Variants in ATRNL1 observed in about 807,000 individuals in gnomAD.
ATRNL1 encodes attractin-like protein 1.
Under a neutral mutation model 182.7 loss-of-function variants are expected in ATRNL1, and 95 were observed. The observed-to-expected ratio is 0.52, with a 90% CI of 0.44 to 0.62. ATRNL1 has a LOEUF of 0.62. Ranked by LOEUF, ATRNL1 falls within the 20% of genes least tolerant of loss-of-function variation. ATRNL1 has a pLI of 0.00. For synonymous variants in ATRNL1, 576 were observed against 568.3 expected, an observed-to-expected ratio of 1.01 and a Z score of -0.19; for missense variants, 1,471 against 1,679.5, an observed-to-expected ratio of 0.88 and a Z score of 2.17.
At chr10:115,371,296 C>T (rs1047381230) in intron 19 of ATRNL1, among the ~76,000 whole-genome samples, 1 of 152,104 alleles carries the variant, frequency 6.6e-6, no homozygotes, top group Admixed American at 6.5e-5. Context: ...TGAGAAGAGC[C>T]ACCATCCTCC....
intron 18 of ATRNL1, among the ~76,000 whole-genome samples, chr10:115,316,361 A>G (rs1854302413): frequency 1.3e-5 from 2 of 152,134 alleles, no homozygotes; most frequent in South Asian, 4.1e-4. Flanking sequence ...TCTATCATTA[A>G]TGGGCGCTTG....
chr10:115,760,174 A>AG (rs1948700369), intron 27 of ATRNL1, among the ~76,000 whole-genome samples: 1 of 35,316 alleles, frequency 2.8e-5, no homozygotes, highest in African/African-American at 7.5e-5. Context: ...TCCCCTTTCC[A>AG]AAAAAAAAGA....
At chr10:115,479,036 A>G (rs1848648744) in intron 24 of ATRNL1, among the ~76,000 whole-genome samples, 1 of 151,566 alleles carries the variant, frequency 6.6e-6, no homozygotes, top group Non-Finnish European at 1.5e-5. Context: ...AGTGATAATA[A>G]CTGTTTATTT....
At chr10:115,600,432 T>C (rs1856528708) in intron 26 of ATRNL1, among the ~76,000 whole-genome samples, 1 of 152,188 alleles carries the variant, frequency 6.6e-6, no homozygotes. Flanking sequence ...GTATTTTTCA[T>C]TGTAACTATT....
At chr10:115,257,590 G>A (rs1455141207) in intron 10 of ATRNL1, among the ~76,000 whole-genome samples, 4 of 151,688 alleles carry the variant, frequency 2.6e-5, no homozygotes, top group African/African-American at 9.7e-5. Flanking sequence ...TTTAATTGGG[G>A]CATTTAGCCC....
Position 115,497,657 on chromosome 10 carries a change from CTT to C in ATRNL1, c.3655-21599_3655-21598del, listed in dbSNP as rs547454786. Among the ~76,000 whole-genome samples, 19 of 85,748 alleles carry C rather than the reference CTT, an allele frequency of 2.2e-4. 1 individual carries two copies. In the South Asian group the frequency reaches 6.1e-3, roughly 28 times the overall value. 56.3% of individuals were successfully genotyped at this position (85,748 alleles called of 152,430 possible). Reference sequence around the variant, plus strand: ...AGTCTCAGTGTAAGTTAAGTTTACTCTTTTTTTTCTTTTTTTTTTGAGATGGA... The same window carrying C: ...AGTCTCAGTGTAAGTTAAGTTTACTCTTTTTTCTTTTTTTTTTGAGATGGA... On this transcript the variant is annotated intron_variant, in intron 24 of 28. Transcript: ENST00000355044.
At chr10:115,240,418 A>AT (rs1166013219) in intron 9 of ATRNL1, among the ~76,000 whole-genome samples, 7 of 151,790 alleles carry the variant, frequency 4.6e-5, no homozygotes, top group African/African-American at 1.4e-4. Flanking sequence ...TGCCCGGGTA[A>AT]TTTTTTGTGT....
intron 17 of ATRNL1, among the ~76,000 whole-genome samples, chr10:115,309,652 C>T (rs1448721842): frequency 6.6e-6 from 1 of 152,044 alleles, no homozygotes; most frequent in Non-Finnish European, 1.5e-5. Flanking sequence ...ATTGATTTAT[C>T]AAATCTAGGA....
chr10:115,169,852 G>T (rs1386884019), intron 7 of ATRNL1, among the ~76,000 whole-genome samples: 2 of 151,888 alleles, frequency 1.3e-5, no homozygotes, highest in Non-Finnish European at 2.9e-5. Flanking sequence ...ATAAGGTTTG[G>T]ACTTCCTTTA....
At chr10:115,285,277 A>G (rs1852554211) in intron 14 of ATRNL1, among the ~76,000 whole-genome samples, 1 of 152,164 alleles carries the variant, frequency 6.6e-6, no homozygotes, top group African/African-American at 2.4e-5. Flanking sequence ...CAGTAGATAT[A>G]GCATGCATAA....
Position 115,171,134 on chromosome 10 carries a change from CA to C in ATRNL1, c.1195del (p.Thr399LeufsTer30). 6.2e-7 allele frequency: 1 copy of C among 1,610,482 alleles called. No individual in the cohort carries two copies. Among genetic ancestry groups the C allele is most frequent in the South Asian group, 1.1e-5 (1 of 90,766 alleles). On this transcript the variant is annotated frameshift_variant, in exon 8 of 29. Transcript: ENST00000355044. LOFTEE classifies it high-confidence loss of function. ...VFNIHSQSWS[T>X]KTPTVLGHGQ... ...AACATACATAGTCAGTCATGGAGTA[CA>C]AAAACTCCTACTGTTCTTGGACATG...
At chr10:115,217,919 A>G (rs1394446892) in intron 9 of ATRNL1, among the ~76,000 whole-genome samples, 2 of 151,960 alleles carry the variant, frequency 1.3e-5, no homozygotes, top group African/African-American at 2.4e-5. Flanking sequence ...CTTTTTTAGC[A>G]TATTTGTCAA....
At chr10:115,272,228 A>C (rs1451438800) in intron 13 of ATRNL1, among the ~76,000 whole-genome samples, 2 of 152,176 alleles carry the variant, frequency 1.3e-5, no homozygotes, top group African/African-American at 4.8e-5. Context: ...CCTTTATAGC[A>C]TTGCAAGAAT....
chr10:115,739,274 C>A (rs1282251372), intron 27 of ATRNL1, among the ~76,000 whole-genome samples: 2 of 152,144 alleles, frequency 1.3e-5, no homozygotes, highest in Non-Finnish European at 2.9e-5. Context: ...ACAGCTGAAT[C>A]AATCTAGCAT....
chr10:115,121,537 A>G (rs1844735195), intron 2 of ATRNL1, among the ~76,000 whole-genome samples, 162 bp from the exon 3 acceptor site: 1 of 152,230 alleles, frequency 6.6e-6, no homozygotes, highest in Admixed American at 6.5e-5. Context: ...TCACCCTGAT[A>G]AGGATTTATA....
At chr10:115,848,260 T>C (rs1205972157) in intron 28 of ATRNL1, among the ~76,000 whole-genome samples, 1 of 152,164 alleles carries the variant, frequency 6.6e-6, no homozygotes, top group African/African-American at 2.4e-5. Context: ...TTCCCATTAA[T>C]TGCTGGAATT....
chr10:115,621,261 A>ATG, intron 26 of ATRNL1, among the ~76,000 whole-genome samples: 1 of 49,150 alleles, frequency 2.0e-5, no homozygotes, highest in Non-Finnish European at 4.5e-5. Flanking sequence ...CTGAATATAT[A>ATG]TATATATATA....
At chr10:115,755,096 A>T (rs1171720695) in intron 27 of ATRNL1, among the ~76,000 whole-genome samples, 2 of 152,212 alleles carry the variant, frequency 1.3e-5, no homozygotes, top group African/African-American at 2.4e-5. Flanking sequence ...TCCTAAATAT[A>T]CAATCATGTT....
At chr10:115,160,821 A>G (rs1255798615) in intron 6 of ATRNL1, among the ~76,000 whole-genome samples, 1 of 151,882 alleles carries the variant, frequency 6.6e-6, no homozygotes, top group Non-Finnish European at 1.5e-5. Flanking sequence ...AGGGAGAATC[A>G]TTTGATTTTT....
Sources: allele counts gnomAD v4.1 joint callset (sites outside exome capture counted in the v4.1 genomes callset), GRCh38; gene constraint gnomAD v4.1.1; transcripts MANE v1.5; gene names NCBI Gene and HGNC (gene_info 2026-07-23, HGNC 2026-07-21).